UCK2: variants seen among roughly 807,000 people sequenced by gnomAD.
UCK2 encodes uridine-cytidine kinase 2, also known as cytidine monophosphokinase 2.
UCK2 carries 6 observed loss-of-function variants against 30.8 expected under a neutral mutation model. The ratio of observed to expected loss-of-function variants is 0.19; its 90% confidence interval spans 0.11 to 0.38. UCK2 has a LOEUF of 0.38. Ranked by LOEUF, UCK2 falls within the 10% of genes least tolerant of loss-of-function variation. The pLI, the probability that UCK2 is intolerant of heterozygous loss-of-function variation, is 1.00. For missense variants in UCK2, 210 were observed against 339.8 expected (o/e 0.62, Z 3.00); for synonymous variants, 125 against 133.6 (o/e 0.94, Z 0.45).
chr1:165,830,062 G>T (rs1479734122), intron 1 of UCK2, among the ~76,000 whole-genome samples: 4 of 152,016 alleles, frequency 2.6e-5, no homozygotes, highest in Admixed American at 2.6e-4. Context: ...CTGGAGTGCC[G>T]TGGTGAGATC....
chr1:165,827,694 GGCTCGCAGGCGA>G lies in UCK2; in HGVS notation c.-137_-126del, dbSNP rs1257197544. ...CCAGCCCCGTCACCGGGCTCCGAGCGGCTCGCAGGCGAGCGACAGCGGCCTCAGCCCCGGCAG... is the reference window on the plus strand; with the variant it reads ...CCAGCCCCGTCACCGGGCTCCGAGCGGCGACAGCGGCCTCAGCCCCGGCAG... On this transcript the variant is annotated 5_prime_UTR_variant, in exon 1 of 7. Transcript: ENST00000367879. 1 of 681,100 alleles carries G rather than the reference GGCTCGCAGGCGA, an allele frequency of 1.5e-6. No individual in the cohort carries two copies. Among genetic ancestry groups the G allele is most frequent in the East Asian group, 3.5e-5 (1 of 28,470 alleles). 42.2% of individuals were successfully genotyped at this position (681,100 alleles called of 1,614,324 possible). A position where few individuals can be genotyped will look rare whatever the true frequency, so the allele number is the denominator to read the frequency against.
intron 2 of UCK2, chr1:165,890,739 G>A: frequency 3.9e-6 from 1 of 258,672 alleles, no homozygotes; most frequent in South Asian, 5.2e-5. Context: ...CCCACTGTCT[G>A]GCAGAGAGGG....
chr1:165,905,289 C>A (rs1414089286), intron 5 of UCK2, among the ~76,000 whole-genome samples: 1 of 152,086 alleles, frequency 6.6e-6, no homozygotes, highest in Admixed American at 6.6e-5. Context: ...TTGAGACCAG[C>A]CTGGGCAACA....
intron 1 of UCK2, among the ~76,000 whole-genome samples, chr1:165,857,454 A>G (rs1384430856): frequency 2.6e-5 from 4 of 152,232 alleles, no homozygotes; most frequent in Admixed American, 1.3e-4. Context: ...TCTGGAGTGC[A>G]GAGTACTGTG....
chr1:165,909,563 TC>T lies in UCK2; in HGVS notation c.*1744del, dbSNP rs149291837. 1.1e-3 allele frequency: 160 copies of T among 152,288 alleles called. No individual in the cohort carries two copies. The highest frequency in any genetic ancestry group is 3.6e-3 in the African/African-American group (150 of 41,548). 9.4% of individuals were successfully genotyped at this position (152,288 alleles called of 1,614,324 possible). A position where few individuals can be genotyped will look rare whatever the true frequency, so the allele number is the denominator to read the frequency against. On this transcript the variant is annotated 3_prime_UTR_variant, in exon 7 of 7. Coordinates refer to ENST00000367879, the MANE Select transcript of UCK2 (RefSeq NM_012474.5). ...TGCTATTTTAAAAAGTCAAACCTGG[TC>T]CCCAGCAGAGCTTGCCACCCGGAGA...
intron 1 of UCK2, among the ~76,000 whole-genome samples, chr1:165,874,081 C>T (rs1655271944): frequency 6.6e-6 from 1 of 152,194 alleles, no homozygotes. Context: ...TGCATCCCAT[C>T]CTCTGAGGAC....
intron 1 of UCK2, among the ~76,000 whole-genome samples, chr1:165,847,344 A>G (rs1400894660): frequency 6.6e-6 from 1 of 152,178 alleles, no homozygotes; most frequent in East Asian, 1.9e-4. Context: ...TGGTATATGG[A>G]AAACTGACAA....
intron 6 of UCK2, among the ~76,000 whole-genome samples, 193 bp from the exon 7 acceptor site, chr1:165,907,491 G>A (rs1325759383): frequency 6.6e-6 from 1 of 152,212 alleles, no homozygotes; most frequent in African/African-American, 2.4e-5. Context: ...GAGCCCTCCT[G>A]TGAAGGAGGA....
chr1:165,836,922 T>C (rs1654208062), intron 1 of UCK2, among the ~76,000 whole-genome samples: 1 of 152,148 alleles, frequency 6.6e-6, no homozygotes, highest in Non-Finnish European at 1.5e-5. Context: ...GCCTTTTTGC[T>C]GTGTCATGGT....
chr1:165,868,336 A>G (rs1327061386), intron 1 of UCK2, among the ~76,000 whole-genome samples: 3 of 152,216 alleles, frequency 2.0e-5, no homozygotes, highest in African/African-American at 7.2e-5. Context: ...TTAGCCTCTA[A>G]CAAGAGAGTC....
chr1:165,884,553 G>C (rs887229056), intron 1 of UCK2, among the ~76,000 whole-genome samples: 1 of 152,224 alleles, frequency 6.6e-6, no homozygotes, highest in Non-Finnish European at 1.5e-5. Context: ...CAGGTTCTGA[G>C]CACTGAAGTG....
intron 1 of UCK2, among the ~76,000 whole-genome samples, chr1:165,866,040 AG>A (rs879354195): frequency 7.4e-4 from 113 of 152,264 alleles, no homozygotes; most frequent in Admixed American, 1.6e-3. Flanking sequence ...GGGAATAGGG[AG>A]AGGAAGAAGG....
At chr1:165,888,786 C>CA (rs1655689251) in intron 1 of UCK2, among the ~76,000 whole-genome samples, 1 of 151,524 alleles carries the variant, frequency 6.6e-6, no homozygotes, top group Non-Finnish European at 1.5e-5. Flanking sequence ...CCCGGCAGGT[C>CA]AATCAGTTTC....
chr1:165,898,832 C>G (rs1553200899), intron 4 of UCK2, among the ~76,000 whole-genome samples: 1 of 152,206 alleles, frequency 6.6e-6, no homozygotes, highest in Non-Finnish European at 1.5e-5. Context: ...CTCTGCCTCT[C>G]CGCCTTCTCT....
intron 1 of UCK2, among the ~76,000 whole-genome samples, chr1:165,828,392 CG>C (rs1481949523): frequency 6.6e-6 from 1 of 152,144 alleles, no homozygotes; most frequent in Non-Finnish European, 1.5e-5. Flanking sequence ...CGGAGCGAGC[CG>C]GGAAGCGCGG....
intron 1 of UCK2, among the ~76,000 whole-genome samples, chr1:165,881,327 C>A (rs1189338171): frequency 6.6e-6 from 1 of 152,082 alleles, no homozygotes; most frequent in Non-Finnish European, 1.5e-5. Flanking sequence ...TATATTCTCC[C>A]CTGTCCTCAT....
rs1343294351 is a variant in UCK2 at position 165,911,381 on chromosome 1, A to T, written c.*3558A>T. 1.3e-5 allele frequency: 2 copies of T among 152,192 alleles called. No homozygotes were observed. The highest frequency in any genetic ancestry group is 4.8e-5 in the African/African-American group (2 of 41,438). The allele number at this position is 152,192 out of a possible 1,614,324, so 9.4% of individuals were successfully genotyped here. A position where few individuals can be genotyped will look rare whatever the true frequency, so the allele number is the denominator to read the frequency against. ...CTCTGGGCGTTCTGCTGCCTTCCTC[A>T]TACCGGGGACTGGCATTCCAGGTCA... On this transcript the variant is annotated 3_prime_UTR_variant, in exon 7 of 7. Coordinates refer to ENST00000367879, the MANE Select transcript of UCK2 (RefSeq NM_012474.5).
chr1:165,866,045 A>C (rs1052436438), intron 1 of UCK2, among the ~76,000 whole-genome samples: 2 of 151,910 alleles, frequency 1.3e-5, no homozygotes, highest in Non-Finnish European at 2.9e-5. Context: ...TAGGGAGAGG[A>C]AGAAGGGGAG....
intron 1 of UCK2, among the ~76,000 whole-genome samples, chr1:165,882,370 T>A (rs986953135): frequency 6.6e-6 from 1 of 152,244 alleles, no homozygotes; most frequent in Non-Finnish European, 1.5e-5. Context: ...GTGCTGGTTA[T>A]GTGAGTGTTG....
Sources: gnomAD v4.1 joint callset for allele counts (sites outside exome capture counted in the v4.1 genomes callset) on GRCh38, gnomAD v4.1.1 for gene constraint, MANE v1.5 for transcripts, NCBI Gene and HGNC (gene_info 2026-07-23, HGNC 2026-07-21) for gene names.